Variants in CIITA observed in about 807,000 individuals in gnomAD.
CIITA encodes the protein class II major histocompatibility complex transactivator, also known as MHC class II transactivator.
A neutral mutation model predicts 115.1 loss-of-function variants in CIITA; 72 were observed. The ratio of observed to expected loss-of-function variants is 0.63; its 90% CI spans 0.52 to 0.76. CIITA has a LOEUF of 0.76. CIITA is among the 30% of genes least tolerant of loss of function. CIITA has a pLI of 0.00. For synonymous variants in CIITA, 763 were observed against 635.6 expected (o/e 1.20, Z -3.02); for missense variants, 1,617 against 1,463.8 (o/e 1.10, Z -1.71).
Position 10,941,825 on chromosome 16 carries a change from C to T in CIITA, n.951C>T. ...TCCACGAGCGCCTGGTCCATGTCCT[C>T]GGGCAGGAAGACGAGGCCCACGTTG... On this transcript the variant is annotated non_coding_transcript_exon_variant, in exon 2 of 2. Transcript: ENST00000573379. This position sits in a 1 kb window ranked among gnomAD's most constrained non-coding sequence, Gnocchi z 6.4. 1 of 1,613,482 alleles carries T rather than the reference C, an allele frequency of 6.2e-7. No homozygotes were observed. Among genetic ancestry groups the T allele is most frequent in the Non-Finnish European group, 8.5e-7 (1 of 1,179,848 alleles).
Position 10,923,211 on chromosome 16 carries a change from C to G in CIITA, c.3318-17C>G. On this transcript the variant is annotated splice_polypyrimidine_tract_variant and intron_variant, in intron 18 of 19. Coordinates refer to ENST00000324288, the MANE Select transcript of CIITA (RefSeq NM_000246.4). This position sits in a 1 kb window ranked among gnomAD's most constrained non-coding sequence, Gnocchi z 5.2. ...TCTCTCCTCTAACCTGGCTCTGAGTCCCATCCCCCCTTGCAGGATGTGGAC... is the reference window on the plus strand; with the variant it reads ...TCTCTCCTCTAACCTGGCTCTGAGTGCCATCCCCCCTTGCAGGATGTGGAC... The G allele has an allele frequency of 1.2e-6, 2 of 1,611,690 alleles. No individual in the cohort carries two copies. Among genetic ancestry groups the G allele is most frequent in the Non-Finnish European group, 1.7e-6 (2 of 1,179,494 alleles).
chr16:10,885,096 G>A (rs1306403483), intron 1 of CIITA, among the ~76,000 whole-genome samples: 1 of 152,030 alleles, frequency 6.6e-6, no homozygotes, highest in Non-Finnish European at 1.5e-5. Flanking sequence ...TAACAATTGT[G>A]TGTACTCTAT....
rs1044639309 is a variant in CIITA at position 10,941,978 on chromosome 16, G to A, written n.1104G>A. On this transcript the variant is annotated non_coding_transcript_exon_variant, in exon 2 of 2. Coordinates refer to the CIITA transcript ENST00000573379. The surrounding 1 kb of genome is among the most constrained non-coding windows in gnomAD (Gnocchi z 6.4). Reference sequence around the variant, plus strand: ...GGGACCAGGGGGCCCAGTGCGTCCAGGTGGGCCGCGACCCGGGCGCCGAGC... The same window carrying A: ...GGGACCAGGGGGCCCAGTGCGTCCAAGTGGGCCGCGACCCGGGCGCCGAGC... The A allele has an allele frequency of 6.6e-7, 1 of 1,507,314 alleles. No individual in the cohort carries two copies. Among genetic ancestry groups the A allele is most frequent in the African/African-American group, 1.4e-5 (1 of 69,970 alleles). 93.4% of individuals were successfully genotyped at this position (1,507,314 alleles called of 1,614,324 possible).
intron 8 of CIITA, 95 bp downstream of exon 8, chr16:10,902,896 GC>G: frequency 1.4e-6 from 2 of 1,442,330 alleles, no homozygotes; most frequent in Admixed American, 1.7e-5. Flanking sequence ...TGGCAGTGGT[GC>G]CCTAGCACCT....
chr16:10,904,831 C>G lies in CIITA; in HGVS notation c.1006+19C>G. On this transcript the variant is annotated intron_variant, in intron 10 of 19. Coordinates refer to ENST00000324288, the MANE Select transcript of CIITA (RefSeq NM_000246.4). ...TGGCCTGGTGAGTGATGCGGGATCT[C>G]TCTGCCCTGGGTGGTGGAGATGGAA... 6.2e-7 allele frequency: 1 copy of G among 1,613,952 alleles called. No individual in the cohort carries two copies. Among genetic ancestry groups the G allele is most frequent in the South Asian group, 1.1e-5 (1 of 91,072 alleles).
chr16:10,924,720 C>G lies in CIITA; in HGVS notation c.*865C>G, dbSNP rs895571137. 1 of 152,272 alleles carries G rather than the reference C, an allele frequency of 6.6e-6. No homozygotes were observed. Among genetic ancestry groups the G allele is most frequent in the Non-Finnish European group, 1.5e-5 (1 of 68,064 alleles). The allele number at this position is 152,272 out of a possible 1,614,324, so 9.4% of individuals were successfully genotyped here. A position where few individuals can be genotyped will look rare whatever the true frequency, so the allele number is the denominator to read the frequency against. Reference sequence around the variant, plus strand: ...CTGACATTGTTGGCCAAAGCCAAAGCTAGGCCTGGCCAGATGCACCAGCCC... The same window carrying G: ...CTGACATTGTTGGCCAAAGCCAAAGGTAGGCCTGGCCAGATGCACCAGCCC... On this transcript the variant is annotated 3_prime_UTR_variant, in exon 20 of 20. Transcript: ENST00000324288.
chr16:10,873,942 T>A (rs564947094), upstream of CIITA, among the ~76,000 whole-genome samples: 708 of 152,142 alleles, frequency 4.7e-3, 9 homozygotes, highest in African/African-American at 0.016. Flanking sequence ...CTGCAAGAGT[T>A]TTTTGTTGTT....
At position 10,918,455 on chromosome 16, in the gene CIITA, C is replaced by T. The variant is rs760270444; in HGVS notation, c.3078C>T (p.Asn1026=). 2 of 1,614,212 alleles carry T rather than the reference C, an allele frequency of 1.2e-6. No homozygotes were observed. Among genetic ancestry groups the T allele is most frequent in the South Asian group, 1.1e-5 (1 of 91,090 alleles). The change falls in exon 16 of 20, where the codon AAC becomes AAT. Residue 1026 remains asparagine, a synonymous_variant. Coordinates refer to ENST00000324288, the MANE Select transcript of CIITA (RefSeq NM_000246.4). ...GTCCCCGCAGTCTGTCCCAGAACAA[C>T]ATCACTGACCTGGGTGCCTACAAAC... The part of the protein sequence containing the change: ...SLETLNLSQN[N]ITDLGAYKLA...
At position 10,896,194 on chromosome 16, in the gene CIITA, C is replaced by G. The variant is rs148662644; in HGVS notation, c.295+430C>G. 1.8e-4 allele frequency among the ~76,000 whole-genome samples: 27 copies of G among 152,290 alleles called. No individual in the cohort carries two copies. The East Asian group carries it at 5.0e-3, about 28-fold the overall frequency. On this transcript the variant is annotated intron_variant, in intron 3 of 19. Transcript: ENST00000324288. ...CTCATTGCTGTCCATACATTATCAT[C>G]TGGAATCCTTACAACAACAAAGGAA...
At chr16:10,903,186 G>A (rs528093721) in intron 8 of CIITA, among the ~76,000 whole-genome samples, 1 of 152,302 alleles carries the variant, frequency 6.6e-6, no homozygotes, top group African/African-American at 2.4e-5. Flanking sequence ...GTATACTGAT[G>A]TGAATAGTTT....
At position 10,879,242 on chromosome 16, in the gene CIITA, G is replaced by C. The variant is rs935179769; in HGVS notation, c.52+1860G>C. Among the ~76,000 whole-genome samples the C allele has an allele frequency of 1.6e-4, 24 of 152,310 alleles. No individual in the cohort carries two copies. The highest frequency in any genetic ancestry group is 5.5e-4 in the African/African-American group (23 of 41,566). On this transcript the variant is annotated intron_variant, in intron 1 of 19. Coordinates refer to ENST00000324288, the MANE Select transcript of CIITA (RefSeq NM_000246.4). The surrounding 1 kb of genome is among the most constrained non-coding windows in gnomAD (Gnocchi z 4.3). ...CGCGGGAACCAGGAGCCGGGAACCC[G>C]GAGCTTGGCTTGCTGTGCCCAGAGC...
chr16:10,893,447 G>A (rs546285539), intron 1 of CIITA, among the ~76,000 whole-genome samples: 2 of 152,112 alleles, frequency 1.3e-5, no homozygotes, highest in Non-Finnish European at 2.9e-5. Context: ...TTCTTCATCT[G>A]CCAATGGAGA....
chr16:10,898,327 A>G, intron 3 of CIITA, among the ~76,000 whole-genome samples: 1 of 152,028 alleles, frequency 6.6e-6, no homozygotes, highest in East Asian at 1.9e-4. Flanking sequence ...ATGGAGGCCC[A>G]CAGTGGTTAA....
Position 10,908,023 on chromosome 16 carries a change from A to C in CIITA, c.2531A>C (p.Asp844Ala). The C allele has an allele frequency of 6.2e-7, 1 of 1,606,454 alleles. No individual in the cohort carries two copies. The highest frequency in any genetic ancestry group is 8.5e-7 in the Non-Finnish European group (1 of 1,174,326). ...SFLGTRLTPP[D>A]AHVLGKALEA... ...CTGGGCACCCGCCTCACGCCTCCTGATGCACATGTACTGGGCAAGGCCTTG... is the reference window on the plus strand; with the variant it reads ...CTGGGCACCCGCCTCACGCCTCCTGCTGCACATGTACTGGGCAAGGCCTTG... The change falls in exon 11 of 20, where the codon GAT becomes GCT. Residue 844 changes from aspartate to alanine, a missense_variant. Physicochemically the swap from Asp to Ala is moderately radical, Grantham distance 126 (BLOSUM62 -2). Transcript: ENST00000324288.
At chr16:10,915,077 G>C in intron 13 of CIITA, 1 of 454,984 alleles carries the variant, frequency 2.2e-6, no homozygotes, top group Non-Finnish European at 4.4e-6. Context: ...TTTTGAGACA[G>C]GGTCTCGCTC....
At position 10,926,592 on chromosome 16, in the gene CIITA, G is replaced by C. The variant is rs1261442165; in HGVS notation, c.*2737G>C. 6.6e-6 allele frequency: 1 copy of C among 152,240 alleles called. No homozygotes were observed. The highest frequency in any genetic ancestry group is 1.5e-5 in the Non-Finnish European group (1 of 68,050). The allele number at this position is 152,240 out of a possible 1,614,324, so 9.4% of individuals were successfully genotyped here. On this transcript the variant is annotated 3_prime_UTR_variant, in exon 20 of 20. Transcript: ENST00000324288. Reference sequence around the variant, plus strand: ...TTTCACTCTTATTGCCCACGCTGGAGTGCAGTGGCATGATCTCGGCTCACT... The same window carrying C: ...TTTCACTCTTATTGCCCACGCTGGACTGCAGTGGCATGATCTCGGCTCACT...
Position 10,904,791 on chromosome 16 carries a change from A to G in CIITA, c.985A>G (p.Asn329Asp). ...ATGCCCGGCAGCTGGAGAGGTCTCC[A>G]ACAAGCTTCCAAAATGGCCTGGTGA... The part of the protein sequence containing the change: ...TQCPAAGEVS[N>D]KLPKWPEPVE... Residue 329 changes from asparagine (N) to aspartate (D), a missense_variant, in exon 10 of 20, where the codon AAC becomes GAC. Asn to Asp is a conservative substitution (Grantham distance 23). Transcript: ENST00000324288. 6.2e-7 allele frequency: 1 copy of G among 1,614,138 alleles called. No homozygotes were observed. The highest frequency in any genetic ancestry group is 1.6e-4 in the Middle Eastern group (1 of 6,062).
In CIITA at chr16:10,923,513, G is replaced by A. The variant is rs1032772220; in HGVS notation, c.*22+188G>A. On this transcript the variant is annotated intron_variant, in intron 19 of 19. Coordinates refer to ENST00000324288, the MANE Select transcript of CIITA (RefSeq NM_000246.4). The surrounding 1 kb of genome is among the most constrained non-coding windows in gnomAD (Gnocchi z 5.2). ...GGTGGAGCTGTCCTCCAGGCTTTGC[G>A]AGCTTGGTCCCTGTGGTCAGGCTTA... is the stretch of plus-strand genomic sequence containing the variant. 8.5e-5 allele frequency among the ~76,000 whole-genome samples: 13 copies of A among 152,122 alleles called. No homozygotes were observed. The highest frequency in any genetic ancestry group is 1.9e-4 in the East Asian group (1 of 5,192).
chr16:10,871,712 T>C (rs1390960510), intron 1 of CIITA, among the ~76,000 whole-genome samples: 1 of 152,194 alleles, frequency 6.6e-6, no homozygotes, highest in Non-Finnish European at 1.5e-5. Flanking sequence ...CTGGGCTTCC[T>C]TTCCTGAGAA....
Sources: allele counts gnomAD v4.1 joint callset (sites outside exome capture counted in the v4.1 genomes callset), GRCh38; gene constraint gnomAD v4.1.1; non-coding constraint Gnocchi (gnomAD v3.1); transcripts MANE v1.5; gene names NCBI Gene and HGNC (gene_info 2026-07-23, HGNC 2026-07-21).